WNT7B: variants seen among roughly 807,000 people sequenced by gnomAD.
The protein encoded by WNT7B is protein Wnt-7b.
WNT7B carries 19 observed loss-of-function variants against 38.2 expected under a neutral mutation model. That is an observed-to-expected ratio of 0.50 (90% CI 0.35 to 0.73). WNT7B has a LOEUF of 0.73. Ranked by LOEUF, WNT7B falls within the 30% of genes least tolerant of loss-of-function variation. WNT7B has a pLI of 0.01. For synonymous variants in WNT7B, 243 were observed against 209.3 expected, an observed-to-expected ratio of 1.16 and a Z score of -1.39; for missense variants, 423 against 507.9, an observed-to-expected ratio of 0.83 and a Z score of 1.61.
In WNT7B at chr22:45,975,609, C is replaced by T; in HGVS notation, c.71+1075G>A. 1 of 716,154 alleles carries T rather than the reference C, an allele frequency of 1.4e-6. No homozygotes were observed. Among genetic ancestry groups the T allele is most frequent in the Non-Finnish European group, 2.6e-6 (1 of 384,332 alleles). The allele number at this position is 716,154 out of a possible 1,614,324, so 44.4% of individuals were successfully genotyped here. A position where few individuals can be genotyped will look rare whatever the true frequency, so the allele number is the denominator to read the frequency against. On this transcript the variant is annotated intron_variant, in intron 1 of 3. Transcript: ENST00000339464. The surrounding 1 kb of genome is among the most constrained non-coding windows in gnomAD (Gnocchi z 6.6). The stretch of plus-strand genomic sequence containing the variant: ...GAGAGACGATTCCCAGCGCCTGCTT[C>T]CACCTCTCCGCCTGGGAAGCCGCGT...
At chr22:45,929,644 T>TTC (rs1931239693) in intron 3 of WNT7B, among the ~76,000 whole-genome samples, 20 of 100,900 alleles carry the variant, frequency 2.0e-4, no homozygotes, top group Admixed American at 1.1e-3. Context: ...ATGCATCCAC[T>TTC]CATCCATCCT....
In WNT7B at chr22:45,954,810, TG is replaced by T. The variant is rs1288479924; in HGVS notation, c.72-4665del. 4.1e-6 allele frequency: 4 copies of T among 971,076 alleles called. No homozygotes were observed. In the African/African-American group the frequency reaches 7.0e-5, roughly 17 times the overall value. 60.2% of individuals were successfully genotyped at this position (971,076 alleles called of 1,614,324 possible). A position where few individuals can be genotyped will look rare whatever the true frequency, so the allele number is the denominator to read the frequency against. Reference sequence around the variant, plus strand: ...GTGCTCCCATTCTGAGGGTTAACTCTGGGCCGTTGGGACCTCAGACCTCACC... The same window carrying T: ...GTGCTCCCATTCTGAGGGTTAACTCTGGCCGTTGGGACCTCAGACCTCACC... On this transcript the variant is annotated intron_variant, in intron 1 of 3. Transcript: ENST00000339464.
At position 45,936,110 on chromosome 22, in the gene WNT7B, G is replaced by A. The variant is rs547421678; in HGVS notation, c.299-4741C>T. 4.1e-6 allele frequency: 4 copies of A among 985,448 alleles called. No individual in the cohort carries two copies. In the African/African-American group the frequency reaches 7.0e-5, roughly 17 times the overall value. The allele number at this position is 985,448 out of a possible 1,614,324, so 61.0% of individuals were successfully genotyped here. A position where few individuals can be genotyped will look rare whatever the true frequency, so the allele number is the denominator to read the frequency against. ...CCCACAGCCCTCAAGAGCACTGGGT[G>A]GGTTTCTGAGTAATGGTCCTGAAGG... On this transcript the variant is annotated intron_variant, in intron 2 of 3. Coordinates refer to ENST00000339464, the MANE Select transcript of WNT7B (RefSeq NM_058238.3).
chr22:45,960,984 T>C (rs1464336219), intron 1 of WNT7B, among the ~76,000 whole-genome samples: 2 of 152,154 alleles, frequency 1.3e-5, no homozygotes, highest in African/African-American at 4.8e-5. Flanking sequence ...TCTGAGGTCA[T>C]TCAGCAGACC....
intron 2 of WNT7B, among the ~76,000 whole-genome samples, chr22:45,941,769 G>A (rs184790712): frequency 2.6e-5 from 4 of 152,352 alleles, no homozygotes; most frequent in Admixed American, 2.6e-4. Context: ...TGGAACTGGG[G>A]CTTGTGCTCC....
intron 2 of WNT7B, among the ~76,000 whole-genome samples, chr22:45,935,149 C>T (rs200825160): frequency 1.3e-5 from 2 of 152,172 alleles, no homozygotes; most frequent in Non-Finnish European, 2.9e-5. Flanking sequence ...CTTGCCAGTC[C>T]GCCCACACGC....
rs1018729869 is a variant in WNT7B at position 45,923,421 on chromosome 22, C to G, written c.571-86G>C. 2.0e-6 allele frequency: 3 copies of G among 1,494,242 alleles called. No individual in the cohort carries two copies. In the African/African-American group the frequency reaches 4.2e-5, roughly 21 times the overall value. 92.6% of individuals were successfully genotyped at this position (1,494,242 alleles called of 1,614,324 possible). On this transcript the variant is annotated intron_variant, in intron 3 of 3. Coordinates refer to ENST00000339464, the MANE Select transcript of WNT7B (RefSeq NM_058238.3). ...CCCTACCCCTGCCTCTAGCCCAGCC[C>G]TGGAGCCCGCTCCTCCCCTTGGGCT...
rs915872950 is a variant in WNT7B at position 45,929,665 on chromosome 22, C to T, written c.570+1433G>A. Among the ~76,000 whole-genome samples, 229 of 118,978 alleles carry T rather than the reference C, an allele frequency of 1.9e-3. 1 individual carries two copies. The highest frequency in any genetic ancestry group is 7.5e-3 in the African/African-American group (216 of 28,924). The allele number at this position is 118,978 out of a possible 152,430, so 78.1% of individuals were successfully genotyped here. ...CCACTCATCCATCCTTCCACCCACC[C>T]GCCCATCCTTCCCTCCATACTTCCA... On this transcript the variant is annotated intron_variant, in intron 3 of 3. Coordinates refer to ENST00000339464, the MANE Select transcript of WNT7B (RefSeq NM_058238.3).
At chr22:45,950,180 G>T (rs1205437748) in intron 1 of WNT7B, 34 bp from the exon 2 acceptor site, 1 of 1,573,574 alleles carries the variant, frequency 6.4e-7, no homozygotes, top group South Asian at 1.1e-5. Context: ...CCGTGAGACG[G>T]CGGCGGCCAG....
chr22:45,957,550 G>C (rs1460702098), intron 1 of WNT7B, among the ~76,000 whole-genome samples: 1 of 151,620 alleles, frequency 6.6e-6, no homozygotes, highest in Non-Finnish European at 1.5e-5. Context: ...TAGGCATGGT[G>C]GTGCACGCCT....
At chr22:45,941,257 C>T (rs1031851763) in intron 2 of WNT7B, among the ~76,000 whole-genome samples, 3 of 152,096 alleles carry the variant, frequency 2.0e-5, no homozygotes, top group African/African-American at 7.2e-5. Flanking sequence ...CGCCTGTAAT[C>T]CCGGCACCTT....
At chr22:45,944,716 C>T (rs1252973232) in intron 2 of WNT7B, among the ~76,000 whole-genome samples, 1 of 152,256 alleles carries the variant, frequency 6.6e-6, no homozygotes. Context: ...TGTGCTCACC[C>T]ATCGTGTCCT....
intron 2 of WNT7B, among the ~76,000 whole-genome samples, chr22:45,937,226 A>T (rs887422657): frequency 1.3e-5 from 2 of 152,200 alleles, no homozygotes; most frequent in African/African-American, 4.8e-5. Flanking sequence ...GGGATCCAGG[A>T]CATGAGGTTC....
intron 1 of WNT7B, among the ~76,000 whole-genome samples, chr22:45,956,906 G>C (rs952791623): frequency 9.9e-5 from 15 of 152,126 alleles, no homozygotes; most frequent in African/African-American, 2.9e-4. Flanking sequence ...AGGAGATCGA[G>C]ACCATCCTGG....
intron 3 of WNT7B, among the ~76,000 whole-genome samples, chr22:45,929,250 G>C (rs527397930): frequency 1.3e-5 from 2 of 152,272 alleles, no homozygotes; most frequent in African/African-American, 4.8e-5. Flanking sequence ...AGGTTCGTAG[G>C]CCTCCTTTAT....
chr22:45,927,394 A>G (rs976817646), intron 3 of WNT7B: 1 of 1,520,748 alleles, frequency 6.6e-7, no homozygotes, highest in Admixed American at 2.0e-5. Flanking sequence ...TGCCCATCTC[A>G]CTCTTGCCCA....
At chr22:45,936,738 T>C (rs565438125) in intron 2 of WNT7B, among the ~76,000 whole-genome samples, 1 of 152,338 alleles carries the variant, frequency 6.6e-6, no homozygotes, top group Admixed American at 6.5e-5. Flanking sequence ...AGCTGCGCCC[T>C]CATCCACAGT....
chr22:45,972,116 G>GGGGGCCCC, intron 1 of WNT7B: 15 of 530,726 alleles, frequency 2.8e-5, no homozygotes, highest in Non-Finnish European at 3.0e-5. Flanking sequence ...CCCGGGGGGA[G>GGGGGCCCC]CCCACCCGCC....
chr22:45,931,386 G>T lies in WNT7B; in HGVS notation c.299-17C>A. The T allele has an allele frequency of 6.4e-7, 1 of 1,569,516 alleles. No individual in the cohort carries two copies. The highest frequency in any genetic ancestry group is 8.6e-7 in the Non-Finnish European group (1 of 1,162,196). On this transcript the variant is annotated splice_polypyrimidine_tract_variant and intron_variant, in intron 2 of 3. Coordinates refer to ENST00000339464, the MANE Select transcript of WNT7B (RefSeq NM_058238.3). ...CACGGCTCCCTGCGGGGACAGACAG[G>T]TGCAGAAGGTGAGACCCCAGGCCCT...
Sources: gnomAD v4.1 joint callset for allele counts (sites outside exome capture counted in the v4.1 genomes callset) on GRCh38, gnomAD v4.1.1 for gene constraint, Gnocchi (gnomAD v3.1) non-coding constraint, MANE v1.5 for transcripts, NCBI Gene and HGNC (gene_info 2026-07-23, HGNC 2026-07-21) for gene names.